The following NOCT variants were observed in gnomAD, a reference collection of about 807,000 sequenced individuals.
NOCT encodes nocturnin, also known as CCR4 carbon catabolite repression 4-like.
NOCT carries 18 observed loss-of-function variants against 35.0 expected under a neutral mutation model. That is an observed-to-expected ratio of 0.51 (90% CI 0.36 to 0.76). The LOEUF (loss-of-function observed/expected upper bound fraction) is 0.76. Ranked by LOEUF, NOCT falls within the 30% of genes least tolerant of loss-of-function variation. The pLI, the probability that NOCT is intolerant of heterozygous loss-of-function variation, is 0.01. For synonymous variants in NOCT, 235 were observed against 226.3 expected (o/e 1.04, Z -0.34); for missense variants, 479 against 541.0 (o/e 0.89, Z 1.14).
Position 139,015,948 on chromosome 4 carries a change from C to A in NOCT, c.-34C>A. ...CCCCAGCCGGGCTCCGCTCCTCGGGCGCGCGAGGGGCCGTGGTGGCGGCGG... is the reference window on the plus strand; with the variant it reads ...CCCCAGCCGGGCTCCGCTCCTCGGGAGCGCGAGGGGCCGTGGTGGCGGCGG... On this transcript the variant is annotated 5_prime_UTR_variant, in exon 1 of 3. Coordinates refer to ENST00000280614, the MANE Select transcript of NOCT (RefSeq NM_012118.4). 1 of 1,309,714 alleles carries A rather than the reference C, an allele frequency of 7.6e-7. No individual in the cohort carries two copies. Among genetic ancestry groups the A allele is most frequent in the South Asian group, 2.1e-5 (1 of 48,636 alleles). 81.1% of individuals were successfully genotyped at this position (1,309,714 alleles called of 1,614,324 possible). A position where few individuals can be genotyped will look rare whatever the true frequency, so the allele number is the denominator to read the frequency against.
chr4:139,025,727 C>T (rs1251469109), intron 1 of NOCT, among the ~76,000 whole-genome samples: 1 of 151,478 alleles, frequency 6.6e-6, no homozygotes, highest in East Asian at 1.9e-4. Flanking sequence ...TTGCTTGAAC[C>T]TGGGAGGCAG....
intron 1 of NOCT, among the ~76,000 whole-genome samples, chr4:139,041,189 CAAA>C (rs1726827641): frequency 6.6e-6 from 1 of 151,908 alleles, no homozygotes; most frequent in Non-Finnish European, 1.5e-5. Flanking sequence ...CAGGAAGGAA[CAAA>C]AAAAGCATGC....
At chr4:139,038,098 G>A (rs1726767075) in intron 1 of NOCT, among the ~76,000 whole-genome samples, 2 of 152,046 alleles carry the variant, frequency 1.3e-5, no homozygotes, top group Non-Finnish European at 2.9e-5. Context: ...TCCTCGGGAG[G>A]CTGAGGAAGG....
chr4:139,017,039 T>C lies in NOCT; in HGVS notation c.190+868T>C, dbSNP rs201549899. 4.7e-5 allele frequency among the ~76,000 whole-genome samples: 7 copies of C among 149,700 alleles called. No individual in the cohort carries two copies. In the East Asian group the frequency reaches 1.2e-3, roughly 25 times the overall value. On this transcript the variant is annotated intron_variant, in intron 1 of 2. Transcript: ENST00000280614. The stretch of plus-strand genomic sequence containing the variant: ...TTTTTGTCCTGTGTATCTAAGATCT[T>C]GTAAAAGTGAGGCCTTAGTTTCACC...
intron 1 of NOCT, among the ~76,000 whole-genome samples, chr4:139,032,922 G>A (rs922723505): frequency 5.3e-5 from 8 of 152,128 alleles, no homozygotes; most frequent in South Asian, 4.1e-4. Context: ...TGAATTAGCC[G>A]AGGGTGGCGG....
intron 1 of NOCT, among the ~76,000 whole-genome samples, chr4:139,027,430 A>G (rs1726542040): frequency 6.6e-6 from 1 of 152,192 alleles, no homozygotes; most frequent in Admixed American, 6.5e-5. Context: ...TCTGGGCCAT[A>G]TATCTGTCGC....
intron 1 of NOCT, among the ~76,000 whole-genome samples, chr4:139,033,046 CAG>C (rs1464934339): frequency 6.6e-6 from 1 of 151,406 alleles, no homozygotes; most frequent in Non-Finnish European, 1.5e-5. Context: ...GGCTGAGGAA[CAG>C]AGCGAGACTC....
At chr4:139,023,750 G>A (rs573206993) in intron 1 of NOCT, among the ~76,000 whole-genome samples, 7 of 152,108 alleles carry the variant, frequency 4.6e-5, no homozygotes, top group East Asian at 3.9e-4. Context: ...CACCCGCCTC[G>A]GCCTCTCAAA....
At chr4:139,028,643 T>C (rs1331930525) in intron 1 of NOCT, among the ~76,000 whole-genome samples, 1 of 152,188 alleles carries the variant, frequency 6.6e-6, no homozygotes, top group Non-Finnish European at 1.5e-5. Flanking sequence ...TGAGGCAGTA[T>C]CAGCACAGCT....
intron 1 of NOCT, among the ~76,000 whole-genome samples, chr4:139,031,113 T>TCC: frequency 6.6e-6 from 1 of 151,442 alleles, no homozygotes; most frequent in East Asian, 1.9e-4. Flanking sequence ...AGGAAACCTG[T>TCC]GTGGAGCTGT....
At position 139,028,895 on chromosome 4, in the gene NOCT, G is replaced by A. The variant is rs113477285; in HGVS notation, c.190+12724G>A. ...CTTGCTCTGTCGCCCAGGCTGGAGT[G>A]CAGTGGCGTGATCTCGGCTCACTGC... On this transcript the variant is annotated intron_variant, in intron 1 of 2. Transcript: ENST00000280614. 8.1e-3 allele frequency among the ~76,000 whole-genome samples: 1,237 copies of A among 152,244 alleles called. 17 individuals are homozygous for A. Among genetic ancestry groups the A allele is most frequent in the Middle Eastern group, 0.01 (3 of 294 alleles).
intron 1 of NOCT, among the ~76,000 whole-genome samples, chr4:139,018,344 G>T (rs1002671893): frequency 6.6e-6 from 1 of 152,294 alleles, no homozygotes; most frequent in Middle Eastern, 3.4e-3. Context: ...AACATAGATG[G>T]CTGTGTTATC....
chr4:139,032,802 T>C (rs144259241), intron 1 of NOCT, among the ~76,000 whole-genome samples: 42 of 152,324 alleles, frequency 2.8e-4, no homozygotes, highest in African/African-American at 1.0e-3. Context: ...GCAACTCCTA[T>C]TAAGGCATAA....
In NOCT at chr4:139,045,465, A is replaced by G. The variant is rs767227170; in HGVS notation, c.1287A>G (p.Gly429=). The change falls in exon 3 of 3, where the codon GGA becomes GGG. Residue 429 remains glycine, a synonymous_variant. Transcript: ENST00000280614. ...TCAGCTTTACTGAGGAATCTGATGG[A>G]CTTTCATAAATACTTGCTTTTGTCT... ...CDFSFTEESD[G]LS is the part of the protein sequence containing the mutation. The G allele has an allele frequency of 1.4e-6, 2 of 1,481,168 alleles. No individual in the cohort carries two copies. Among genetic ancestry groups the G allele is most frequent in the Non-Finnish European group, 1.9e-6 (2 of 1,077,428 alleles). 91.8% of individuals were successfully genotyped at this position (1,481,168 alleles called of 1,614,324 possible). A position where few individuals can be genotyped will look rare whatever the true frequency, so the allele number is the denominator to read the frequency against.
At chr4:139,030,770 T>G (rs575228977) in intron 1 of NOCT, among the ~76,000 whole-genome samples, 89 of 152,348 alleles carry the variant, frequency 5.8e-4, no homozygotes, top group African/African-American at 1.9e-3. Context: ...GAAAATCAGC[T>G]GCTAAATTAG....
chr4:139,022,293 G>C (rs917288318), intron 1 of NOCT, among the ~76,000 whole-genome samples: 1 of 152,166 alleles, frequency 6.6e-6, no homozygotes, highest in Non-Finnish European at 1.5e-5. Flanking sequence ...GCTGTCCTCT[G>C]TATCTATGTG....
chr4:139,039,267 T>C (rs1265292466), intron 1 of NOCT, among the ~76,000 whole-genome samples: 5 of 151,990 alleles, frequency 3.3e-5, no homozygotes, highest in African/African-American at 1.2e-4. Context: ...TATTCCAGTT[T>C]TGCTGGATAT....
intron 1 of NOCT, among the ~76,000 whole-genome samples, chr4:139,021,177 A>AT (rs1212260528): frequency 6.6e-6 from 1 of 151,890 alleles, no homozygotes; most frequent in Non-Finnish European, 1.5e-5. Context: ...AAAAAATTGT[A>AT]TATTTTGTCG....
In NOCT at chr4:139,033,564, G is replaced by A. The variant is rs190252708; in HGVS notation, c.191-9510G>A. ...GTGGCATATTCCCATCATCCCAGCT[G>A]CTTAGGCTGAGGCAGGAGGATTGCC... On this transcript the variant is annotated intron_variant, in intron 1 of 2. Coordinates refer to ENST00000280614, the MANE Select transcript of NOCT (RefSeq NM_012118.4). Among the ~76,000 whole-genome samples, 4 of 151,632 alleles carry A rather than the reference G, an allele frequency of 2.6e-5. No individual in the cohort carries two copies. In the East Asian group the frequency reaches 7.8e-4, roughly 29 times the overall value.
Sources: allele counts gnomAD v4.1 joint callset (sites outside exome capture counted in the v4.1 genomes callset), GRCh38; gene constraint gnomAD v4.1.1; transcripts MANE v1.5; gene names NCBI Gene and HGNC (gene_info 2026-07-23, HGNC 2026-07-21).